The following ZNF682 variants were observed in gnomAD, a reference collection of about 807,000 sequenced individuals.
The protein encoded by ZNF682 is zinc finger protein 682.
A neutral mutation model predicts 36.5 loss-of-function variants in ZNF682; 29 were observed. The ratio of observed to expected loss-of-function variants is 0.80; its 90% confidence interval spans 0.59 to 1.08. The LOEUF (loss-of-function observed/expected upper bound fraction) is 1.08, where lower values mean the gene tolerates loss of function less well. Ranked by LOEUF, ZNF682 falls within the 50% of genes least tolerant of loss-of-function variation. The pLI is 0.00. For missense variants in ZNF682, 561 were observed against 579.7 expected (o/e 0.97, Z 0.33); for synonymous variants, 180 against 197.0 (o/e 0.91, Z 0.72).
At chr19:20,004,183 T>C (rs2088190095), downstream of ZNF682, among the ~76,000 whole-genome samples, 1 of 152,194 alleles carries the variant, frequency 6.6e-6, no homozygotes, top group Non-Finnish European at 1.5e-5. Context: ...ATTTTCATAA[T>C]AATCATCTTA....
chr19:20,000,295 T>C (rs527439128), downstream of ZNF682, among the ~76,000 whole-genome samples: 11 of 152,332 alleles, frequency 7.2e-5, no homozygotes, highest in East Asian at 1.9e-3. Flanking sequence ...TGAGAGATGC[T>C]CAAGAGAGTA....
At chr19:19,996,853 C>T (rs528678162), downstream of ZNF682, among the ~76,000 whole-genome samples, 154 of 152,186 alleles carry the variant, frequency 1.0e-3, 1 homozygote, top group African/African-American at 3.6e-3. Context: ...CCCAATTTCT[C>T]ATTTTAAAAT....
downstream of ZNF682, among the ~76,000 whole-genome samples, chr19:19,996,566 T>C (rs973647110): frequency 6.6e-6 from 1 of 152,118 alleles, no homozygotes; most frequent in Non-Finnish European, 1.5e-5. Flanking sequence ...TTATTTTAAG[T>C]AAAGTAACTC....
downstream of ZNF682, among the ~76,000 whole-genome samples, chr19:19,995,962 A>T (rs967411353): frequency 6.6e-6 from 1 of 152,136 alleles, no homozygotes; most frequent in Admixed American, 6.5e-5. Flanking sequence ...CCTCATTGTC[A>T]TGGGGTTGCC....
At chr19:19,997,835 C>T (rs2088137172) in intron 3 of ZNF682, among the ~76,000 whole-genome samples, 1 of 152,180 alleles carries the variant, frequency 6.6e-6, no homozygotes, top group Non-Finnish European at 1.5e-5. Flanking sequence ...GAGGCTCCTG[C>T]ATGGGGCTGC....
At chr19:19,997,659 A>G (rs2088136113) in intron 3 of ZNF682, among the ~76,000 whole-genome samples, 1 of 152,242 alleles carries the variant, frequency 6.6e-6, no homozygotes, top group Non-Finnish European at 1.5e-5. Flanking sequence ...GTTGTCCCTC[A>G]TGAGTAAAGA....
rs1486903300 is a variant in ZNF682 at position 20,039,101 on chromosome 19, C to G, written c.3+242G>C. On this transcript the variant is annotated intron_variant, in intron 1 of 3. Coordinates refer to ENST00000397165, the MANE Select transcript of ZNF682 (RefSeq NM_033196.3). The stretch of plus-strand genomic sequence containing the variant: ...ACGCAAGAACGCGCGCGGCTCTTCC[C>G]AGGGTGGGCTCCGGGCGGGAAGCGG... 5 of 1,381,114 alleles carry G rather than the reference C, an allele frequency of 3.6e-6. No homozygotes were observed. The African/African-American group carries it at 7.3e-5, about 20-fold the overall frequency. 85.6% of individuals were successfully genotyped at this position (1,381,114 alleles called of 1,614,324 possible).
intron 2 of ZNF682, 91 bp downstream of exon 2, chr19:20,024,159 A>G: frequency 1.3e-6 from 2 of 1,491,756 alleles, no homozygotes; most frequent in Non-Finnish European, 1.8e-6. Context: ...ACTCATTTAT[A>G]CAAAGCAGAA....
chr19:20,032,653 GAA>G (rs1451732254), intron 1 of ZNF682, among the ~76,000 whole-genome samples: 1 of 152,094 alleles, frequency 6.6e-6, no homozygotes, highest in Non-Finnish European at 1.5e-5. Flanking sequence ...TCCAACCCCA[GAA>G]AAACTCTCCA....
chr19:20,024,184 T>C, intron 2 of ZNF682, 66 bp downstream of exon 2: 1 of 1,586,264 alleles, frequency 6.3e-7, no homozygotes, highest in South Asian at 1.1e-5. Flanking sequence ...CCACCAAACA[T>C]TCTACAGAGG....
intron 1 of ZNF682, among the ~76,000 whole-genome samples, chr19:20,036,814 G>GA (rs869238931): frequency 0.034 from 679 of 19,896 alleles, 6 homozygotes; most frequent in African/African-American, 0.078. Flanking sequence ...AAAAAAAAAA[G>GA]AAAAAAAAAA....
chr19:20,000,559 C>T (rs1215396530), downstream of ZNF682, among the ~76,000 whole-genome samples: 1 of 152,184 alleles, frequency 6.6e-6, no homozygotes, highest in South Asian at 2.1e-4. Flanking sequence ...CTGGACAGAA[C>T]CAGGTTGTCA....
intron 1 of ZNF682, among the ~76,000 whole-genome samples, chr19:20,032,522 A>G (rs2088488078): frequency 6.6e-6 from 1 of 152,146 alleles, no homozygotes; most frequent in Non-Finnish European, 1.5e-5. Flanking sequence ...GTGGGTTGTG[A>G]CTTGAAGCCC....
chr19:20,003,116 G>A (rs1393603306), downstream of ZNF682, among the ~76,000 whole-genome samples: 10 of 146,956 alleles, frequency 6.8e-5, no homozygotes, highest in East Asian at 4.1e-4. Context: ...GCGTGCACCC[G>A]GGAGGCGGAG....
At chr19:20,030,812 G>T (rs1423912878) in intron 1 of ZNF682, 2 of 152,192 alleles carry the variant, frequency 1.3e-5, no homozygotes, top group East Asian at 1.9e-4. Flanking sequence ...CATATGAAAT[G>T]AAAGTAATTG....
At chr19:20,030,012 G>C (rs1041236466) in intron 1 of ZNF682, among the ~76,000 whole-genome samples, 4 of 152,138 alleles carry the variant, frequency 2.6e-5, no homozygotes, top group Non-Finnish European at 5.9e-5. Context: ...GAGGTGAAAC[G>C]TGGGTAAGGC....
At chr19:20,002,207 C>T (rs990345857), downstream of ZNF682, among the ~76,000 whole-genome samples, 5 of 151,932 alleles carry the variant, frequency 3.3e-5, no homozygotes, top group South Asian at 2.1e-4. Flanking sequence ...CTCAACCTCC[C>T]GAGTAGCTGG....
chr19:20,019,329 A>G (rs923456508), intron 3 of ZNF682, among the ~76,000 whole-genome samples: 4 of 152,222 alleles, frequency 2.6e-5, no homozygotes, highest in African/African-American at 9.6e-5. Flanking sequence ...TGTAAAAAAC[A>G]TACTATGAAG....
At chr19:20,033,139 C>T (rs899504568) in intron 1 of ZNF682, among the ~76,000 whole-genome samples, 2 of 152,022 alleles carry the variant, frequency 1.3e-5, no homozygotes, top group African/African-American at 2.4e-5. Flanking sequence ...TTGTGGTGGG[C>T]ACCTGTAATC....
Sources: allele counts gnomAD v4.1 joint callset (sites outside exome capture counted in the v4.1 genomes callset), GRCh38; gene constraint gnomAD v4.1.1; transcripts MANE v1.5; gene names NCBI Gene and HGNC (gene_info 2026-07-23, HGNC 2026-07-21).